Variants in TDRD9 observed in about 807,000 individuals in gnomAD.
TDRD9 encodes the protein tudor domain containing 9.
Under a neutral mutation model 172.6 loss-of-function variants are expected in TDRD9, and 124 were observed. The ratio of observed to expected loss-of-function variants is 0.72; its 90% CI spans 0.62 to 0.83. The LOEUF is 0.83. TDRD9 is among the 40% of genes least tolerant of loss of function. TDRD9 has a pLI of 0.00. For missense variants in TDRD9, 1,479 were observed against 1,714.1 expected, an observed-to-expected ratio of 0.86 and a Z score of 2.42; for synonymous variants, 619 against 617.1, an observed-to-expected ratio of 1.00 and a Z score of -0.05.
At chr14:103,932,069 G>A (rs1282440497) in intron 1 of TDRD9, among the ~76,000 whole-genome samples, 1 of 152,184 alleles carries the variant, frequency 6.6e-6, no homozygotes, top group African/African-American at 2.4e-5. Context: ...TGCCAGTAGG[G>A]AACGCAACTC....
Position 104,052,123 on chromosome 14 carries a change from T to C in TDRD9, c.*41T>C, listed in dbSNP as rs908175754. On this transcript the variant is annotated 3_prime_UTR_variant, in exon 36 of 36. Transcript: ENST00000409874. ...GCCTCCAGCACACCCCTCAGGAAGC[T>C]GTGGAGGCTGGATTCCAGGCTCCCT... is the stretch of plus-strand genomic sequence containing the variant. 5.6e-6 allele frequency: 8 copies of C among 1,429,980 alleles called. No individual in the cohort carries two copies. The highest frequency in any genetic ancestry group is 7.7e-6 in the Non-Finnish European group (8 of 1,038,374). 88.6% of individuals were successfully genotyped at this position (1,429,980 alleles called of 1,614,324 possible).
At chr14:104,002,732 CTT>C (rs200744019) in intron 13 of TDRD9, among the ~76,000 whole-genome samples, 1 of 146,812 alleles carries the variant, frequency 6.8e-6, no homozygotes. Context: ...CTTTTCTTTT[CTT>C]TTTTTTTTTT....
At chr14:103,950,210 C>T (rs941508365) in intron 1 of TDRD9, among the ~76,000 whole-genome samples, 2 of 151,826 alleles carry the variant, frequency 1.3e-5, no homozygotes, top group Admixed American at 6.6e-5. Flanking sequence ...CTGCCTCAGC[C>T]TCCCTAGTAG....
At chr14:103,979,014 T>G (rs2033366079) in intron 7 of TDRD9, among the ~76,000 whole-genome samples, 1 of 152,228 alleles carries the variant, frequency 6.6e-6, no homozygotes, top group Non-Finnish European at 1.5e-5. Context: ...GCTGTCCTTT[T>G]GTATCCTTTA....
At chr14:103,948,933 A>T (rs1316991729) in intron 1 of TDRD9, among the ~76,000 whole-genome samples, 1 of 151,146 alleles carries the variant, frequency 6.6e-6, no homozygotes, top group Admixed American at 6.6e-5. Context: ...ATACTCTGTG[A>T]TTCCACTTAT....
At chr14:104,041,510 G>A (rs1053389896) in intron 33 of TDRD9, among the ~76,000 whole-genome samples, 15 of 152,154 alleles carry the variant, frequency 9.9e-5, no homozygotes, top group African/African-American at 3.6e-4. Flanking sequence ...AATATGTAAG[G>A]CACTCTTAAA....
chr14:104,022,729 A>AAAATAAATCAAT (rs1555373920), intron 24 of TDRD9, among the ~76,000 whole-genome samples: 1 of 145,878 alleles, frequency 6.9e-6, no homozygotes, highest in Non-Finnish European at 1.5e-5. Context: ...GCTGTCTTAA[A>AAAATAAATCAAT]AAATAAATAA....
chr14:103,945,140 T>C (rs2031492334), intron 1 of TDRD9, among the ~76,000 whole-genome samples: 1 of 152,202 alleles, frequency 6.6e-6, no homozygotes, highest in Non-Finnish European at 1.5e-5. Flanking sequence ...CACTTAGAAC[T>C]GGAGGTCAGA....
chr14:104,048,535 G>T lies in TDRD9; in HGVS notation c.3975-1073G>T, dbSNP rs74089150. ...GTTGTCTTTAAATACTGCCCTGAAG[G>T]CTTCTGCCCTTTGCCATTGGAGCTA... On this transcript the variant is annotated intron_variant, in intron 34 of 35. Coordinates refer to ENST00000409874, the MANE Select transcript of TDRD9 (RefSeq NM_153046.3). Among the ~76,000 whole-genome samples the T allele has an allele frequency of 8.2e-3, 1,244 of 152,248 alleles. 16 individuals are homozygous for T. Among genetic ancestry groups the T allele is most frequent in the African/African-American group, 0.029 (1,184 of 41,532 alleles).
chr14:103,963,236 C>T (rs1374540890), intron 3 of TDRD9, 60 bp downstream of exon 3: 1 of 1,235,508 alleles, frequency 8.1e-7, no homozygotes, highest in African/African-American at 1.5e-5. Flanking sequence ...AGGCCCAATA[C>T]TTTTGGTTTC....
At chr14:104,034,158 G>T in intron 31 of TDRD9, 89 bp downstream of exon 31, 17 of 675,360 alleles carry the variant, frequency 2.5e-5, no homozygotes, top group Non-Finnish European at 3.0e-5. Flanking sequence ...TATAATTGGT[G>T]AACAAGTCTA....
chr14:103,965,658 C>A, intron 4 of TDRD9, 104 bp downstream of exon 4: 2 of 1,060,940 alleles, frequency 1.9e-6, no homozygotes, highest in African/African-American at 1.6e-5. Flanking sequence ...TGACCATTTT[C>A]TGCTGAAAAT....
intron 28 of TDRD9, among the ~76,000 whole-genome samples, chr14:104,027,577 C>T (rs2152246876): frequency 6.6e-6 from 1 of 152,118 alleles, no homozygotes; most frequent in African/African-American, 2.4e-5. Flanking sequence ...TTTTTAGTTG[C>T]CACATAATCA....
intron 2 of TDRD9, among the ~76,000 whole-genome samples, chr14:103,958,870 T>C (rs2032370375): frequency 6.6e-6 from 1 of 152,096 alleles, no homozygotes; most frequent in South Asian, 2.1e-4. Context: ...AACACACTTG[T>C]ATTGGATGAG....
intron 9 of TDRD9, among the ~76,000 whole-genome samples, chr14:103,991,462 G>C (rs2033863227): frequency 1.3e-5 from 2 of 151,692 alleles, no homozygotes; most frequent in Non-Finnish European, 2.9e-5. Flanking sequence ...TGCTAGGCTG[G>C]AGTGCAGTGG....
chr14:104,052,316 T>C lies in TDRD9; in HGVS notation c.*234T>C, dbSNP rs1283509375. ...CTTTTCTAGAAACAGAAAATCACTG[T>C]ATTAAATATTTTGGAAAGATTGTTC... On this transcript the variant is annotated 3_prime_UTR_variant, in exon 36 of 36. Coordinates refer to ENST00000409874, the MANE Select transcript of TDRD9 (RefSeq NM_153046.3). 1 of 320,228 alleles carries C rather than the reference T, an allele frequency of 3.1e-6. No homozygotes were observed. The highest frequency in any genetic ancestry group is 5.8e-6 in the Non-Finnish European group (1 of 172,318). The allele number at this position is 320,228 out of a possible 1,614,324, so 19.8% of individuals were successfully genotyped here.
In TDRD9 at chr14:104,006,777, T is replaced by C. The variant is rs2034453315; in HGVS notation, c.1944-5T>C. ...GTATTGAATGACACTGTTATCTGTT[T>C]ATAGGAACAAAGTGAATTTCTCTGG... On this transcript the variant is annotated splice_region_variant and splice_polypyrimidine_tract_variant and intron_variant, in intron 17 of 35. Transcript: ENST00000409874. 1.2e-6 allele frequency: 2 copies of C among 1,613,668 alleles called. No individual in the cohort carries two copies. Among genetic ancestry groups the C allele is most frequent in the Non-Finnish European group, 8.5e-7 (1 of 1,179,682 alleles).
chr14:103,973,852 A>T (rs1225990731), intron 6 of TDRD9, among the ~76,000 whole-genome samples: 4 of 152,212 alleles, frequency 2.6e-5, no homozygotes, highest in Non-Finnish European at 4.4e-5. Flanking sequence ...CAAAGGGGAA[A>T]ATACAGATGT....
intron 1 of TDRD9, among the ~76,000 whole-genome samples, chr14:103,931,936 G>T (rs1210789433): frequency 6.6e-6 from 1 of 152,184 alleles, no homozygotes; most frequent in Non-Finnish European, 1.5e-5. Context: ...GCAAAGACTG[G>T]ATCCCACTTG....
Sources: allele counts gnomAD v4.1 joint callset (sites outside exome capture counted in the v4.1 genomes callset), GRCh38; gene constraint gnomAD v4.1.1; transcripts MANE v1.5; gene names NCBI Gene and HGNC (gene_info 2026-07-23, HGNC 2026-07-21).